The following MED16 variants were observed in gnomAD, a reference collection of about 807,000 sequenced individuals.
MED16 encodes mediator of RNA polymerase II transcription subunit 16.
A neutral mutation model predicts 84.4 loss-of-function variants in MED16; 81 were observed. That is an observed-to-expected ratio of 0.96 (90% CI 0.80 to 1.15). The LOEUF (loss-of-function observed/expected upper bound fraction) is 1.15. MED16 is among the 50% of genes most tolerant of loss of function. The probability of loss-of-function intolerance (pLI) is 0.00; values close to 1 mark genes in which losing one functional copy is unlikely to be tolerated. For missense variants in MED16, 1,585 were observed against 1,245.9 expected (o/e 1.27, Z -4.10); for synonymous variants, 897 against 552.2 (o/e 1.62, Z -8.76).
intron 8 of MED16, among the ~76,000 whole-genome samples, chr19:877,878 C>T (rs2036294289): frequency 6.7e-6 from 1 of 149,740 alleles, no homozygotes; most frequent in Non-Finnish European, 1.5e-5. Flanking sequence ...CTCGCCTTCC[C>T]CTGGTTGTCA....
intron 5 of MED16, among the ~76,000 whole-genome samples, chr19:885,468 G>T (rs7253106): frequency 0.012 from 1,841 of 152,184 alleles, 38 homozygotes; most frequent in African/African-American, 0.042. Flanking sequence ...GGGGTCCGGG[G>T]GCCCCAGTGT....
Position 875,286 on chromosome 19 carries a change from C to G in MED16, c.1729G>C (p.Gly577Arg). ...GTGCAGATCTCGGTCAGCCGGTCGC[C>G]GGGGCTCTTGTCAGGCGTGTTGAGA... ...HFLNTPDKSP[G>R]DRLTEICTKI... The change falls in exon 10 of 16, where the codon GGC becomes CGC. Residue 577 changes from glycine to arginine, a missense_variant. Transcript: ENST00000325464. The G allele has an allele frequency of 2.5e-6, 4 of 1,589,472 alleles. No homozygotes were observed. Among genetic ancestry groups the G allele is most frequent in the Non-Finnish European group, 3.4e-6 (4 of 1,171,476 alleles).
chr19:871,752 G>C, intron 12 of MED16, 174 bp downstream of exon 12: 3 of 764,870 alleles, frequency 3.9e-6, no homozygotes, highest in African/African-American at 2.1e-5. Context: ...TTGTGTTTTG[G>C]TAGGGAGAGG....
At chr19:873,631 G>C (rs1274495047) in intron 10 of MED16, 49 bp from the exon 11 acceptor site, 2 of 1,603,444 alleles carry the variant, frequency 1.2e-6, no homozygotes, top group South Asian at 1.1e-5. Context: ...GTACACACAG[G>C]GTGACCTAAC....
intron 6 of MED16, among the ~76,000 whole-genome samples, chr19:882,388 ACGCC>A (rs2036438618): frequency 3.5e-5 from 3 of 85,744 alleles, no homozygotes; most frequent in African/African-American, 1.0e-4. Context: ...GTGGTGATGC[ACGCC>A]TGCACACGCC....
rs2145231752 is a variant in MED16, at chr19:881,553, C to G, written c.1141+6G>C. On this transcript the variant is annotated splice_donor_region_variant and intron_variant, in intron 7 of 15. Transcript: ENST00000325464. Reference sequence around the variant, plus strand: ...CCCCGCGTGGCTGCCGCTGGCTCCACCGTACCGAGGCCAGGGTAGAACTGT... The same window carrying G: ...CCCCGCGTGGCTGCCGCTGGCTCCAGCGTACCGAGGCCAGGGTAGAACTGT... 1.2e-6 allele frequency: 2 copies of G among 1,606,758 alleles called. No individual in the cohort carries two copies. Among genetic ancestry groups the G allele is most frequent in the East Asian group, 4.5e-5 (2 of 44,710 alleles).
At chr19:878,916 A>G (rs192473654) in intron 8 of MED16, among the ~76,000 whole-genome samples, 557 of 79,538 alleles carry the variant, frequency 7.0e-3, no homozygotes, top group African/African-American at 0.018. Flanking sequence ...AATGTCCACC[A>G]GCCCCGGCCC....
intron 9 of MED16, 75 bp downstream of exon 9, chr19:876,899 C>CA (rs1192927180): frequency 1.5e-5 from 22 of 1,456,234 alleles, no homozygotes; most frequent in Non-Finnish European, 1.9e-5. Context: ...GCCACGGGGC[C>CA]CCACCTGCCA....
At position 886,195 on chromosome 19, in the gene MED16, C is replaced by T. The variant is rs1376233641; in HGVS notation, c.454G>A (p.Ala152Thr). Residue 152 changes from alanine (A) to threonine (T), a missense_variant, in exon 5 of 16, where the codon GCC (alanine) becomes ACC (threonine). Transcript: ENST00000325464. Reference protein sequence around the residue: ...KLALHVEKSGASSFGEKFSRV... With the variant: ...KLALHVEKSGTSSFGEKFSRV... Reference sequence around the variant, plus strand: ...GAGAACTTCTCCCCGAAGCTGGAGGCGCCCGACTGTGGAGAAGGGAGGGAG... The same window carrying T: ...GAGAACTTCTCCCCGAAGCTGGAGGTGCCCGACTGTGGAGAAGGGAGGGAG... 1 of 1,507,378 alleles carries T rather than the reference C, an allele frequency of 6.6e-7. No individual in the cohort carries two copies. The highest frequency in any genetic ancestry group is 8.8e-7 in the Non-Finnish European group (1 of 1,131,552). The allele number at this position is 1,507,378 out of a possible 1,614,324, so 93.4% of individuals were successfully genotyped here.
rs1157020337 is a variant in MED16 at position 871,608 on chromosome 19, G to A, written c.2098+318C>T. ...AAGGAGAGACAGCAAACAGGTGCCTGGAAGTGGCTGCCATCCCAAAAGCAC... is the reference window on the plus strand; with the variant it reads ...AAGGAGAGACAGCAAACAGGTGCCTAGAAGTGGCTGCCATCCCAAAAGCAC... On this transcript the variant is annotated intron_variant, in intron 12 of 15. Transcript: ENST00000325464. The A allele has an allele frequency of 5.1e-5, 81 of 1,595,842 alleles. No homozygotes were observed. The Middle Eastern group carries it at 1.5e-3, about 29-fold the overall frequency.
At chr19:884,361 G>A (rs2036482204) in intron 6 of MED16, among the ~76,000 whole-genome samples, 1 of 152,218 alleles carries the variant, frequency 6.6e-6, no homozygotes, top group African/African-American at 2.4e-5. Context: ...GGGTGCGGGG[G>A]GCCCATCGGG....
intron 10 of MED16, among the ~76,000 whole-genome samples, chr19:874,392 G>T (rs58619968): frequency 6.6e-6 from 1 of 152,114 alleles, no homozygotes; most frequent in Non-Finnish European, 1.5e-5. Flanking sequence ...GATTACACAC[G>T]AGTCGCCACG....
chr19:871,629 A>T, intron 12 of MED16: 1 of 1,595,374 alleles, frequency 6.3e-7, no homozygotes, highest in Non-Finnish European at 8.5e-7. Flanking sequence ...CCATCCCAAA[A>T]GCACCCACAC....
chr19:873,307 A>G, intron 11 of MED16, 142 bp downstream of exon 11: 1 of 491,370 alleles, frequency 2.0e-6, no homozygotes, highest in Non-Finnish European at 3.2e-6. Context: ...GACTCCAAGT[A>G]GGGGCGGGAC....
At chr19:891,783 G>A (rs1373066709) in intron 1 of MED16, among the ~76,000 whole-genome samples, 1 of 89,504 alleles carries the variant, frequency 1.1e-5, no homozygotes, top group South Asian at 4.5e-4. Context: ...TGAGTGTGAC[G>A]GGGAACACCT....
At chr19:872,358 AAGACT>A (rs2036097339) in intron 11 of MED16, among the ~76,000 whole-genome samples, 1 of 151,994 alleles carries the variant, frequency 6.6e-6, no homozygotes, top group Non-Finnish European at 1.5e-5. Flanking sequence ...GAGAGTCCAC[AAGACT>A]AAGACGAGGC....
In MED16 at chr19:872,194, T is replaced by C. The variant is rs1021955278; in HGVS notation, c.1906-76A>G. 14 of 1,307,510 alleles carry C rather than the reference T, an allele frequency of 1.1e-5. No homozygotes were observed. The East Asian group carries it at 1.2e-4, about 12-fold the overall frequency. 81.0% of individuals were successfully genotyped at this position (1,307,510 alleles called of 1,614,324 possible). Reference sequence around the variant, plus strand: ...ATGGGATGAAGTGTCTTGGGGTCGGTGGAACCCCGACCGGGGGGCAATGGG... The same window carrying C: ...ATGGGATGAAGTGTCTTGGGGTCGGCGGAACCCCGACCGGGGGGCAATGGG... On this transcript the variant is annotated intron_variant, in intron 11 of 15. Transcript: ENST00000325464.
At chr19:872,239 G>A (rs2036093545) in intron 11 of MED16, 121 bp from the exon 12 acceptor site, 2 of 814,994 alleles carry the variant, frequency 2.5e-6, no homozygotes, top group Non-Finnish European at 1.9e-6. Flanking sequence ...GGACATTTGT[G>A]GTGGTCAGGA....
chr19:869,945 G>T (rs2036006165), intron 13 of MED16, among the ~76,000 whole-genome samples: 1 of 152,196 alleles, frequency 6.6e-6, no homozygotes. Context: ...TCCAGGCTGG[G>T]TTTCCTCACC....
Sources: gnomAD v4.1 joint callset for allele counts (sites outside exome capture counted in the v4.1 genomes callset) on GRCh38, gnomAD v4.1.1 for gene constraint, MANE v1.5 for transcripts, NCBI Gene and HGNC (gene_info 2026-07-23, HGNC 2026-07-21) for gene names.